Variants in PARD3 observed in about 807,000 individuals in gnomAD.
PARD3 encodes the protein par-3 family cell polarity regulator, also known as partitioning defective 3 homolog.
In PARD3, 75 loss-of-function variants were observed where a neutral mutation model predicts 155.4. The observed-to-expected ratio is 0.48, with a 90% CI of 0.40 to 0.58. The LOEUF (loss-of-function observed/expected upper bound fraction) is 0.58, where lower values mean the gene tolerates loss of function less well. Ranked by LOEUF, PARD3 falls within the 20% of genes least tolerant of loss-of-function variation. The pLI, the probability that PARD3 is intolerant of heterozygous loss-of-function variation, is 0.00. For missense variants in PARD3, 1,642 were observed against 1,721.7 expected (o/e 0.95, Z 0.82); for synonymous variants, 576 against 610.5 (o/e 0.94, Z 0.83).
intron 2 of PARD3, among the ~76,000 whole-genome samples, chr10:34,580,190 T>C (rs1050591127): frequency 6.6e-6 from 1 of 152,072 alleles, no homozygotes; most frequent in African/African-American, 2.4e-5. Flanking sequence ...GCTGAGATTA[T>C]AAACGTGAGC....
Position 34,536,162 on chromosome 10 carries a change from C to T in PARD3, c.223-19003G>A, listed in dbSNP as rs543245579. On this transcript the variant is annotated intron_variant, in intron 2 of 24. Transcript: ENST00000374788. ...CACCTTGACCTCTACTCAACACCTA[C>T]GCTTCCACACATTGGAGCCACTTGT... Among the ~76,000 whole-genome samples the T allele has an allele frequency of 1.2e-4, 18 of 152,288 alleles. No individual in the cohort carries two copies. The East Asian group carries it at 1.5e-3, about 13-fold the overall frequency.
At chr10:34,517,913 G>A (rs1162492734) in intron 2 of PARD3, among the ~76,000 whole-genome samples, 1 of 152,120 alleles carries the variant, frequency 6.6e-6, no homozygotes, top group African/African-American at 2.4e-5. Context: ...GAGACTCACT[G>A]AGACGCCCAG....
intron 22 of PARD3, among the ~76,000 whole-genome samples, chr10:34,214,126 C>T (rs548483331): frequency 8.4e-4 from 124 of 147,048 alleles, no homozygotes; most frequent in African/African-American, 2.9e-3. Flanking sequence ...GTCTTGAACT[C>T]CTAGCTTCGA....
intron 5 of PARD3, among the ~76,000 whole-genome samples, chr10:34,407,339 T>C (rs1241471739): frequency 6.6e-6 from 1 of 152,110 alleles, no homozygotes; most frequent in African/African-American, 2.4e-5. Context: ...TCATGCCTTG[T>C]TTTCCAGAGG....
chr10:34,379,125 G>A (rs1841563047), intron 9 of PARD3, among the ~76,000 whole-genome samples: 1 of 151,952 alleles, frequency 6.6e-6, no homozygotes, highest in Non-Finnish European at 1.5e-5. Flanking sequence ...TGCTCATTAT[G>A]GGAAGAATAA....
intron 5 of PARD3, among the ~76,000 whole-genome samples, chr10:34,414,149 A>C (rs1845409587): frequency 6.6e-6 from 1 of 151,348 alleles, no homozygotes; most frequent in African/African-American, 2.4e-5. Context: ...AGTGAGCTAT[A>C]TTCATGCCGC....
chr10:34,494,961 C>T (rs2080171888), intron 3 of PARD3, among the ~76,000 whole-genome samples: 1 of 152,078 alleles, frequency 6.6e-6, no homozygotes, highest in African/African-American at 2.4e-5. Flanking sequence ...CAAGCTCATG[C>T]TCAGACATTC....
intron 12 of PARD3, among the ~76,000 whole-genome samples, chr10:34,371,560 T>A (rs1840669497): frequency 3.2e-5 from 4 of 126,066 alleles, no homozygotes; most frequent in Non-Finnish European, 5.2e-5. Flanking sequence ...AAAAATAACA[T>A]TAGTTCAAAG....
At chr10:34,427,183 A>C (rs887240877) in intron 5 of PARD3, among the ~76,000 whole-genome samples, 1 of 152,216 alleles carries the variant, frequency 6.6e-6, no homozygotes, top group Admixed American at 6.5e-5. Context: ...TCAGGGAACA[A>C]GGGAGATAAC....
intron 2 of PARD3, among the ~76,000 whole-genome samples, chr10:34,579,570 G>GTGTGTGTGTGTGTGTGTGTGTA: frequency 7.2e-6 from 1 of 138,336 alleles, no homozygotes; most frequent in African/African-American, 3.0e-5. Context: ...GTGTGTGTGT[G>GTGTGTGTGTGTGTGTGTGTGTA]TGTGTGTGTG....
intron 2 of PARD3, among the ~76,000 whole-genome samples, chr10:34,582,489 T>C (rs538609254): frequency 2.0e-5 from 3 of 152,366 alleles, no homozygotes; most frequent in African/African-American, 7.2e-5. Context: ...TGTAGCCACT[T>C]GTCCACAAAT....
chr10:34,346,029 T>C (rs1264511049), intron 15 of PARD3: 1 of 985,170 alleles, frequency 1.0e-6, no homozygotes, highest in Non-Finnish European at 1.2e-6. Flanking sequence ...CAATTTAGCC[T>C]ACCCTTAAAT....
intron 2 of PARD3, among the ~76,000 whole-genome samples, chr10:34,695,362 C>T (rs542010587): frequency 6.6e-6 from 1 of 151,400 alleles, no homozygotes; most frequent in African/African-American, 2.4e-5. Context: ...ATAATCCCAG[C>T]TAGTCAAAAG....
At chr10:34,730,804 A>T (rs565344587) in intron 1 of PARD3, among the ~76,000 whole-genome samples, 1 of 152,298 alleles carries the variant, frequency 6.6e-6, no homozygotes, top group Non-Finnish European at 1.5e-5. Context: ...AAATTAATAA[A>T]AATTTAAATT....
At chr10:34,165,857 C>T (rs1410272289) in intron 22 of PARD3, among the ~76,000 whole-genome samples, 1 of 152,156 alleles carries the variant, frequency 6.6e-6, no homozygotes, top group African/African-American at 2.4e-5. Flanking sequence ...TGAAATCTAC[C>T]TCATCTAAAA....
At chr10:34,156,426 T>G (rs945204080) in intron 22 of PARD3, among the ~76,000 whole-genome samples, 1 of 152,182 alleles carries the variant, frequency 6.6e-6, no homozygotes. Context: ...AAAGCAGCCA[T>G]GTGTTCTAGA....
intron 22 of PARD3, among the ~76,000 whole-genome samples, chr10:34,199,964 G>A (rs2065949): frequency 0.05 from 7,593 of 152,264 alleles, 241 homozygotes; most frequent in East Asian, 0.15. Context: ...ATTATCCTGA[G>A]TTTGGTAAAG....
At chr10:34,223,181 C>T (rs1194323456) in intron 22 of PARD3, among the ~76,000 whole-genome samples, 16 of 151,994 alleles carry the variant, frequency 1.1e-4, no homozygotes, top group Non-Finnish European at 8.8e-5. Flanking sequence ...TCATGGGGCT[C>T]GCAGGGCAGG....
intron 22 of PARD3, among the ~76,000 whole-genome samples, chr10:34,234,712 T>C (rs1410538907): frequency 6.6e-6 from 1 of 152,196 alleles, no homozygotes; most frequent in East Asian, 1.9e-4. Flanking sequence ...TCCCCCATGC[T>C]AGAAAAGGCA....
Sources: gnomAD v4.1 joint callset for allele counts (sites outside exome capture counted in the v4.1 genomes callset) on GRCh38, gnomAD v4.1.1 for gene constraint, MANE v1.5 for transcripts, NCBI Gene and HGNC (gene_info 2026-07-23, HGNC 2026-07-21) for gene names.